AGTPBP1: variants seen among roughly 807,000 people sequenced by gnomAD.
AGTPBP1 encodes the protein ATP/GTP binding carboxypeptidase 1.
A neutral mutation model predicts 143.9 loss-of-function variants in AGTPBP1; 70 were observed. The ratio of observed to expected loss-of-function variants is 0.49; its 90% CI spans 0.40 to 0.59. The LOEUF (loss-of-function observed/expected upper bound fraction) is 0.59, where lower values mean the gene tolerates loss of function less well. Among genes scored for constraint, AGTPBP1 ranks in the 20% least tolerant of loss-of-function variants. The pLI is 0.00. For synonymous variants in AGTPBP1, 463 were observed against 500.2 expected, an observed-to-expected ratio of 0.93 and a Z score of 0.99; for missense variants, 1,229 against 1,464.5, an observed-to-expected ratio of 0.84 and a Z score of 2.62.
intron 11 of AGTPBP1, among the ~76,000 whole-genome samples, chr9:85,651,746 G>A (rs1028846724): frequency 6.6e-6 from 1 of 152,100 alleles, no homozygotes; most frequent in African/African-American, 2.4e-5. Context: ...TCTTGAGTCA[G>A]AACCCTTTCC....
At chr9:85,588,556 T>G in intron 20 of AGTPBP1, 78 bp from the exon 21 acceptor site, 1 of 1,416,262 alleles carries the variant, frequency 7.1e-7, no homozygotes, top group Middle Eastern at 1.8e-4. Context: ...GCTTTAGAAA[T>G]GTCTCTAACT....
At chr9:85,622,493 G>C (rs548908300) in intron 14 of AGTPBP1, among the ~76,000 whole-genome samples, 1 of 151,996 alleles carries the variant, frequency 6.6e-6, no homozygotes, top group East Asian at 1.9e-4. Context: ...GAAAATATCA[G>C]AAGGTATGAT....
At chr9:85,649,002 T>C (rs1832987293) in intron 11 of AGTPBP1, among the ~76,000 whole-genome samples, 1 of 152,244 alleles carries the variant, frequency 6.6e-6, no homozygotes, top group Non-Finnish European at 1.5e-5. Flanking sequence ...AAATGCCATG[T>C]AGCTTAAGAG....
intron 11 of AGTPBP1, among the ~76,000 whole-genome samples, chr9:85,647,900 G>A (rs1832914902): frequency 6.6e-6 from 1 of 152,146 alleles, no homozygotes; most frequent in Admixed American, 6.5e-5. Flanking sequence ...AACATAGTAG[G>A]CCAAGTAGTA....
At chr9:85,774,185 C>T in the AGTPBP1 span, 97 of 631,306 alleles carry the variant, frequency 1.5e-4, no homozygotes, top group African/African-American at 1.4e-3. Context: ...TTTTGGTTGC[C>T]GCATTTTGGG....
At chr9:85,572,020 T>C (rs1444720294) in intron 25 of AGTPBP1, among the ~76,000 whole-genome samples, 10 of 67,106 alleles carry the variant, frequency 1.5e-4, no homozygotes, top group African/African-American at 2.6e-4. Flanking sequence ...TTTTTTTTTT[T>C]TTTTTTTTTT....
At chr9:85,723,209 A>C (rs1215593776) in intron 1 of AGTPBP1, among the ~76,000 whole-genome samples, 14 of 152,204 alleles carry the variant, frequency 9.2e-5, no homozygotes, top group African/African-American at 3.1e-4. Context: ...CTCTCTTCAG[A>C]GCTGTCAGAC....
chr9:85,626,511 T>C (rs1056961039), intron 14 of AGTPBP1, among the ~76,000 whole-genome samples: 4 of 152,196 alleles, frequency 2.6e-5, no homozygotes, highest in Non-Finnish European at 5.9e-5. Context: ...TGCTCAAACA[T>C]AAGATGCAGA....
intron 1 of AGTPBP1, among the ~76,000 whole-genome samples, chr9:85,724,618 C>T (rs902843189): frequency 1.3e-5 from 2 of 152,170 alleles, no homozygotes; most frequent in Non-Finnish European, 2.9e-5. Flanking sequence ...GTGGGGAAAA[C>T]CATATCCGCA....
intron 11 of AGTPBP1, among the ~76,000 whole-genome samples, chr9:85,652,285 C>T (rs573845932): frequency 2.0e-5 from 3 of 151,912 alleles, no homozygotes; most frequent in South Asian, 4.1e-4. Context: ...CTGAGGCAGG[C>T]GGATCACAAG....
At chr9:85,585,355 T>C (rs947717041) in intron 23 of AGTPBP1, 108 bp downstream of exon 23, 1 of 1,141,660 alleles carries the variant, frequency 8.8e-7, no homozygotes, top group Non-Finnish European at 1.1e-6. Context: ...GAAACAAAAA[T>C]GGCAAAATGT....
At chr9:85,768,586 T>C in the AGTPBP1 span, among the ~76,000 whole-genome samples, 5 of 152,374 alleles carry the variant, frequency 3.3e-5, no homozygotes, top group South Asian at 2.1e-4. Flanking sequence ...GCTCCTCTTA[T>C]TCGTTCACCT....
chr9:85,574,606 T>A (rs1827778338), intron 25 of AGTPBP1, among the ~76,000 whole-genome samples: 2 of 152,164 alleles, frequency 1.3e-5, no homozygotes, highest in Admixed American at 6.5e-5. Flanking sequence ...TTCAAAGGAA[T>A]GCTAAATTAG....
intron 6 of AGTPBP1, among the ~76,000 whole-genome samples, chr9:85,676,857 T>TA (rs1410324675): frequency 2.6e-5 from 4 of 152,068 alleles, no homozygotes; most frequent in South Asian, 4.1e-4. Context: ...TATTCAACCA[T>TA]AAAAAAATGA....
chr9:85,634,887 T>C (rs191301759), intron 13 of AGTPBP1, among the ~76,000 whole-genome samples: 1 of 152,194 alleles, frequency 6.6e-6, no homozygotes, highest in Non-Finnish European at 1.5e-5. Context: ...ATATTCCCAG[T>C]AACTATACAT....
At chr9:85,597,258 T>A (rs1343700155) in intron 17 of AGTPBP1, among the ~76,000 whole-genome samples, 8 of 152,030 alleles carry the variant, frequency 5.3e-5, no homozygotes, top group Non-Finnish European at 1.0e-4. Flanking sequence ...TTTGTATTTA[T>A]CTTAATATTC....
At chr9:85,627,491 G>T (rs562484274) in intron 14 of AGTPBP1, among the ~76,000 whole-genome samples, 2 of 152,236 alleles carry the variant, frequency 1.3e-5, no homozygotes, top group Admixed American at 6.5e-5. Context: ...CAAAAATAAT[G>T]GGTAAAAAGG....
chr9:85,586,010 C>T (rs554184542), intron 22 of AGTPBP1, among the ~76,000 whole-genome samples: 1 of 152,202 alleles, frequency 6.6e-6, no homozygotes, highest in East Asian at 1.9e-4. Flanking sequence ...GCCAGCATTT[C>T]GACGCCAGCC....
At chr9:85,565,880 T>A (rs1269135161) in intron 25 of AGTPBP1, among the ~76,000 whole-genome samples, 1 of 152,214 alleles carries the variant, frequency 6.6e-6, no homozygotes, top group Non-Finnish European at 1.5e-5. Flanking sequence ...TTCAAAAAAA[T>A]GCATATACTT....
Sources: gnomAD v4.1 joint callset for allele counts (sites outside exome capture counted in the v4.1 genomes callset) on GRCh38, gnomAD v4.1.1 for gene constraint, MANE v1.5 for transcripts, NCBI Gene and HGNC (gene_info 2026-07-23, HGNC 2026-07-21) for gene names.